INSR: variants seen among roughly 807,000 people sequenced by gnomAD.
The protein encoded by INSR is insulin receptor.
A neutral mutation model predicts 142.6 loss-of-function variants in INSR; 67 were observed. The ratio of observed to expected loss-of-function variants is 0.47; its 90% confidence interval spans 0.39 to 0.58. The LOEUF (loss-of-function observed/expected upper bound fraction) is 0.58. Ranked by LOEUF, INSR falls within the 20% of genes least tolerant of loss-of-function variation. The pLI, the probability that INSR is intolerant of heterozygous loss-of-function variation, is 0.00. For synonymous variants in INSR, 756 were observed against 743.1 expected (o/e 1.02, Z -0.28); for missense variants, 1,248 against 1,833.2 (o/e 0.68, Z 5.83).
rs1176707408 is a variant in INSR at position 7,172,281 on chromosome 19, C to T, written c.1268+9G>A. 15 of 1,613,808 alleles carry T rather than the reference C, an allele frequency of 9.3e-6. No individual in the cohort carries two copies. Among genetic ancestry groups the T allele is most frequent in the Non-Finnish European group, 1.3e-5 (15 of 1,179,934 alleles). Reference sequence around the variant, plus strand: ...CACTCAGGCCATACACACAATCAGGCCCACGTACCCAATTTCCAAGGTCTC... The same window carrying T: ...CACTCAGGCCATACACACAATCAGGTCCACGTACCCAATTTCCAAGGTCTC... On this transcript the variant is annotated intron_variant, in intron 5 of 21. Coordinates refer to ENST00000302850, the MANE Select transcript of INSR (RefSeq NM_000208.4).
At chr19:7,205,566 A>G (rs945506205) in intron 2 of INSR, among the ~76,000 whole-genome samples, 1 of 152,018 alleles carries the variant, frequency 6.6e-6, no homozygotes, top group Non-Finnish European at 1.5e-5. Context: ...GAAATTCTAC[A>G]TTGTCCAAAT....
At chr19:7,290,841 G>A (rs1968473113) in intron 1 of INSR, among the ~76,000 whole-genome samples, 1 of 151,782 alleles carries the variant, frequency 6.6e-6, no homozygotes, top group Non-Finnish European at 1.5e-5. Flanking sequence ...GGAGGCCGAG[G>A]CGGGTGGATC....
chr19:7,140,239 C>T (rs911088558), intron 13 of INSR, among the ~76,000 whole-genome samples: 3 of 152,140 alleles, frequency 2.0e-5, no homozygotes, highest in Non-Finnish European at 4.4e-5. Flanking sequence ...GGAGGACTCC[C>T]TCTCAAAGTT....
Position 7,125,031 on chromosome 19 carries a change from A to G in INSR, c.3258+252T>C, listed in dbSNP as rs771783770. ...GGAAGATTCCAGAAAGTGATGAAAG[A>G]TTCTGGAAAGCAATGAAACATTCCA... On this transcript the variant is annotated intron_variant, in intron 17 of 21. Coordinates refer to ENST00000302850, the MANE Select transcript of INSR (RefSeq NM_000208.4). This position sits in a 1 kb window ranked among gnomAD's most constrained non-coding sequence, Gnocchi z 4.9. Among the ~76,000 whole-genome samples, 2 of 152,132 alleles carry G rather than the reference A, an allele frequency of 1.3e-5. No homozygotes were observed. The highest frequency in any genetic ancestry group is 2.4e-5 in the African/African-American group (1 of 41,432).
intron 8 of INSR, 118 bp from the exon 9 acceptor site, chr19:7,163,317 T>C (rs1973805692): frequency 1.5e-5 from 16 of 1,035,776 alleles, no homozygotes; most frequent in East Asian, 4.8e-5. Flanking sequence ...TCCCAGCATT[T>C]TGGGCGGCCA....
chr19:7,132,226 A>C lies in INSR; in HGVS notation c.2774T>G (p.Ile925Ser). ...GTTGCCCGCAAGGGAGGTGGCCCGGATTCGCACGCTGTAGTTCCCCGGTGA... is the reference window on the plus strand; with the variant it reads ...GTTGCCCGCAAGGGAGGTGGCCCGGCTTCGCACGCTGTAGTTCCCCGGTGA... Reference protein sequence around the residue: ...GLSPGNYSVRIRATSLAGNGS... With the variant: ...GLSPGNYSVRSRATSLAGNGS... Residue 925 changes from isoleucine (I) to serine (S), a missense_variant, in exon 14 of 22, where the codon ATC (isoleucine) becomes AGC (serine). Transcript: ENST00000302850. 6.2e-7 allele frequency: 1 copy of C among 1,614,230 alleles called. No individual in the cohort carries two copies. The highest frequency in any genetic ancestry group is 8.5e-7 in the Non-Finnish European group (1 of 1,180,042).
At chr19:7,210,018 A>T (rs1975226425) in intron 2 of INSR, among the ~76,000 whole-genome samples, 1 of 152,172 alleles carries the variant, frequency 6.6e-6, no homozygotes. Context: ...AGAAACAGAG[A>T]TTCAAAATGA....
chr19:7,151,290 T>C (rs1362470993), intron 10 of INSR, among the ~76,000 whole-genome samples: 1 of 151,226 alleles, frequency 6.6e-6, no homozygotes, highest in East Asian at 1.9e-4. Context: ...CTTCCTTCCT[T>C]TTTGAGACAG....
chr19:7,164,589 A>G (rs62124506), intron 8 of INSR, among the ~76,000 whole-genome samples: 31,605 of 142,434 alleles, frequency 0.22, 4,181 homozygotes, highest in African/African-American at 0.39. Context: ...AAGCCGAGGC[A>G]GGCGGATCAC....
chr19:7,117,235 TGTCC>T lies in INSR; in HGVS notation c.3966_3969del (p.Asp1323TrpfsTer41), dbSNP rs1269256199. 6.2e-7 allele frequency: 1 copy of T among 1,614,044 alleles called. No homozygotes were observed. The highest frequency in any genetic ancestry group is 2.2e-5 in the East Asian group (1 of 44,902). On this transcript the variant is annotated frameshift_variant, in exon 22 of 22. Coordinates refer to ENST00000302850, the MANE Select transcript of INSR (RefSeq NM_000208.4). LOFTEE classifies it low-confidence loss of function (END_TRUNC). ...GAACGGTCCAGGGGCACATTCTCCA[TGTCC>T]TCAAACTCCATCTCCAGCTCCTCAC...
chr19:7,155,588 TGA>T (rs1403291684), intron 9 of INSR, among the ~76,000 whole-genome samples: 2 of 77,516 alleles, frequency 2.6e-5, no homozygotes, highest in African/African-American at 5.3e-5. Context: ...TGGAAGGGGG[TGA>T]GAGAGAGAAT....
chr19:7,273,811 C>T (rs1470860853), intron 1 of INSR, among the ~76,000 whole-genome samples: 1 of 151,966 alleles, frequency 6.6e-6, no homozygotes, highest in Admixed American at 6.6e-5. Flanking sequence ...GCCACCGTGC[C>T]TGACCACCAT....
At chr19:7,123,054 C>T in intron 17 of INSR, 65 bp from the exon 18 acceptor site, 1 of 1,192,680 alleles carries the variant, frequency 8.4e-7, no homozygotes, top group Non-Finnish European at 1.2e-6. Context: ...GGGTTCTCCT[C>T]CCTCCCTGGT....
chr19:7,217,672 G>A (rs1257604301), intron 2 of INSR, among the ~76,000 whole-genome samples: 1 of 152,140 alleles, frequency 6.6e-6, no homozygotes, highest in African/African-American at 2.4e-5. Context: ...CCATTCTCCT[G>A]CCTCAGCCTC....
At position 7,125,052 on chromosome 19, in the gene INSR, T is replaced by C. The variant is rs114607214; in HGVS notation, c.3258+231A>G. Among the ~76,000 whole-genome samples, 389 of 152,196 alleles carry C rather than the reference T, an allele frequency of 2.6e-3. No individual in the cohort carries two copies. The highest frequency in any genetic ancestry group is 9.0e-3 in the African/African-American group (375 of 41,516). On this transcript the variant is annotated intron_variant, in intron 17 of 21. Coordinates refer to ENST00000302850, the MANE Select transcript of INSR (RefSeq NM_000208.4). This position sits in a 1 kb window ranked among gnomAD's most constrained non-coding sequence, Gnocchi z 4.9. The stretch of plus-strand genomic sequence containing the variant: ...AAAGATTCTGGAAAGCAATGAAACA[T>C]TCCAGAAAGTGATGAGACAGTGATA...
intron 2 of INSR, among the ~76,000 whole-genome samples, chr19:7,257,368 G>GA (rs1272453894): frequency 6.6e-6 from 1 of 151,900 alleles, no homozygotes. Context: ...GTTATCTAGA[G>GA]AACATCATGA....
chr19:7,270,661 G>C (rs989217259), intron 1 of INSR, among the ~76,000 whole-genome samples: 4 of 152,112 alleles, frequency 2.6e-5, no homozygotes, highest in African/African-American at 9.7e-5. Flanking sequence ...GGGAGGCTGA[G>C]ACAGGAGGAT....
In INSR at chr19:7,225,696, A is replaced by AG. The variant is rs1975755823; in HGVS notation, c.653-41060_653-41059insC. Among the ~76,000 whole-genome samples, 1 of 64,906 alleles carries AG rather than the reference A, an allele frequency of 1.5e-5. No individual in the cohort carries two copies. The allele number at this position is 64,906 out of a possible 152,430, so 42.6% of individuals were successfully genotyped here. On this transcript the variant is annotated intron_variant, in intron 2 of 21. Transcript: ENST00000302850. This position sits in a 1 kb window ranked among gnomAD's most constrained non-coding sequence, Gnocchi z 4.7. ...GGCTGATGATGGGCTCTTGGTTTCC[A>AG]TTTCCCCCCCCTCAAAAAAAGAGCA...
intron 2 of INSR, among the ~76,000 whole-genome samples, chr19:7,257,446 CG>C (rs1976928820): frequency 1.7e-5 from 2 of 117,196 alleles, no homozygotes; most frequent in African/African-American, 3.2e-5. Flanking sequence ...AGGGGAAAGG[CG>C]GGGTGGGAGG....
Sources: allele counts gnomAD v4.1 joint callset (sites outside exome capture counted in the v4.1 genomes callset), GRCh38; gene constraint gnomAD v4.1.1; non-coding constraint Gnocchi (gnomAD v3.1); transcripts MANE v1.5; gene names NCBI Gene and HGNC (gene_info 2026-07-23, HGNC 2026-07-21).